DIS3L2: variants seen among roughly 807,000 people sequenced by gnomAD.
The protein encoded by DIS3L2 is DIS3-like exonuclease 2.
Under a neutral mutation model 97.5 loss-of-function variants are expected in DIS3L2, and 34 were observed. That is an observed-to-expected ratio of 0.35 (90% CI 0.27 to 0.46). DIS3L2 has a LOEUF of 0.46. Ranked by LOEUF, DIS3L2 falls within the 20% of genes least tolerant of loss-of-function variation. DIS3L2 has a pLI of 1.00. For synonymous variants in DIS3L2, 435 were observed against 445.2 expected (o/e 0.98, Z 0.29); for missense variants, 1,038 against 1,146.0 (o/e 0.91, Z 1.36).
intron 13 of DIS3L2, among the ~76,000 whole-genome samples, chr2:232,267,156 TAGTCTGGCCCC>T (rs1693874933): frequency 6.6e-6 from 1 of 152,218 alleles, no homozygotes; most frequent in South Asian, 2.1e-4. Context: ...CAGGGCCACC[TAGTCTGGCCCC>T]AGTTCCATGA....
At chr2:232,119,460 C>T (rs1160890210) in intron 6 of DIS3L2, among the ~76,000 whole-genome samples, 1 of 152,170 alleles carries the variant, frequency 6.6e-6, no homozygotes. Flanking sequence ...TTGGAGGAAT[C>T]ATTCATCTGT....
In DIS3L2 at chr2:232,329,575, C is replaced by T. The variant is rs187858739; in HGVS notation, c.1740-238C>T. ...GGGTCCCCCTCTGGGAGAGCCAGCA[C>T]AGGAGCTAACCAGTCAGAGGAGAAG... On this transcript the variant is annotated intron_variant, in intron 14 of 20. Transcript: ENST00000325385. 1,008 of 420,178 alleles carry T rather than the reference C, an allele frequency of 2.4e-3. 12 individuals are homozygous for T. The highest frequency in any genetic ancestry group is 0.018 in the African/African-American group (907 of 49,174). The allele number at this position is 420,178 out of a possible 1,614,324, so 26.0% of individuals were successfully genotyped here. A position where few individuals can be genotyped will look rare whatever the true frequency, so the allele number is the denominator to read the frequency against.
chr2:231,974,345 G>A (rs927193470), intron 1 of DIS3L2, among the ~76,000 whole-genome samples: 1 of 152,074 alleles, frequency 6.6e-6, no homozygotes, highest in East Asian at 1.9e-4. Context: ...CAGACTGGCT[G>A]GAATAGCCTC....
chr2:232,238,176 G>A (rs1414798630), intron 10 of DIS3L2, among the ~76,000 whole-genome samples: 1 of 152,050 alleles, frequency 6.6e-6, no homozygotes. Flanking sequence ...AGGATTTGGG[G>A]ATTAATTCAC....
chr2:232,125,347 G>A (rs1418391493), intron 6 of DIS3L2, among the ~76,000 whole-genome samples: 2 of 152,204 alleles, frequency 1.3e-5, no homozygotes, highest in Non-Finnish European at 2.9e-5. Flanking sequence ...GATGCTCACT[G>A]GGTTGACTCC....
At chr2:232,002,548 G>A (rs1693937259) in intron 1 of DIS3L2, among the ~76,000 whole-genome samples, 1 of 152,048 alleles carries the variant, frequency 6.6e-6, no homozygotes, top group African/African-American at 2.4e-5. Context: ...AACATTTGTT[G>A]TGTTTTTCAT....
At chr2:232,316,619 C>A (rs1695283003) in intron 14 of DIS3L2, among the ~76,000 whole-genome samples, 2 of 152,140 alleles carry the variant, frequency 1.3e-5, no homozygotes, top group Admixed American at 1.3e-4. Flanking sequence ...AAGGACTTCC[C>A]AGGAGGCACA....
At chr2:232,304,140 G>A (rs564284944) in intron 14 of DIS3L2, among the ~76,000 whole-genome samples, 10 of 151,174 alleles carry the variant, frequency 6.6e-5, no homozygotes, top group African/African-American at 1.5e-4. Flanking sequence ...AGATGCCACC[G>A]TGGGTCTACG....
chr2:232,130,839 G>A, intron 7 of DIS3L2, 120 bp downstream of exon 7: 5 of 1,298,314 alleles, frequency 3.9e-6, no homozygotes, highest in African/African-American at 1.5e-5. Flanking sequence ...AGTTAGAGCA[G>A]AGAATCATAA....
chr2:232,230,394 TC>T (rs1331620411), intron 10 of DIS3L2, among the ~76,000 whole-genome samples: 1 of 152,308 alleles, frequency 6.6e-6, no homozygotes, highest in South Asian at 2.1e-4. Context: ...AACATCCCTT[TC>T]GCTCAGCCCC....
At chr2:232,069,458 C>A (rs1299174399) in intron 5 of DIS3L2, among the ~76,000 whole-genome samples, 1 of 152,056 alleles carries the variant, frequency 6.6e-6, no homozygotes, top group East Asian at 1.9e-4. Flanking sequence ...TTAAAATGAT[C>A]CTACTTGAGC....
intron 5 of DIS3L2, among the ~76,000 whole-genome samples, chr2:232,034,419 T>C (rs1694897366): frequency 6.6e-6 from 1 of 152,126 alleles, no homozygotes; most frequent in Non-Finnish European, 1.5e-5. Flanking sequence ...AAAAACCAGC[T>C]CCTGGACTCA....
intron 1 of DIS3L2, among the ~76,000 whole-genome samples, chr2:232,013,109 T>C (rs1477535202): frequency 2.0e-5 from 3 of 152,188 alleles, no homozygotes; most frequent in Non-Finnish European, 1.5e-5. Flanking sequence ...TGCTAGATGG[T>C]GCCACTTTGT....
chr2:232,013,949 G>A (rs533892890), intron 1 of DIS3L2, among the ~76,000 whole-genome samples: 7 of 152,314 alleles, frequency 4.6e-5, no homozygotes, highest in South Asian at 2.1e-4. Context: ...GGTGAAGGAC[G>A]TGTGTGGGAA....
intron 13 of DIS3L2, among the ~76,000 whole-genome samples, chr2:232,266,112 T>G (rs1394851943): frequency 1.3e-5 from 2 of 152,234 alleles, no homozygotes; most frequent in Non-Finnish European, 2.9e-5. Flanking sequence ...AAAGTTCAGT[T>G]GAATTAAGTA....
chr2:232,048,813 A>C (rs564174067), intron 5 of DIS3L2, among the ~76,000 whole-genome samples: 1 of 152,176 alleles, frequency 6.6e-6, no homozygotes, highest in South Asian at 2.1e-4. Flanking sequence ...TTGTTGTTAT[A>C]GTGTGTTATT....
rs1017131541 is a variant in DIS3L2 at position 232,093,292 on chromosome 2, A to G, written c.601+5571A>G. On this transcript the variant is annotated intron_variant, in intron 6 of 20. Transcript: ENST00000325385. Reference sequence around the variant, plus strand: ...AATGTGTTGTTGAATTTTATTTGCTAGTATTTTGTTGAGGATTTTTGCATT... The same window carrying G: ...AATGTGTTGTTGAATTTTATTTGCTGGTATTTTGTTGAGGATTTTTGCATT... Among the ~76,000 whole-genome samples, 14 of 151,994 alleles carry G rather than the reference A, an allele frequency of 9.2e-5. 1 individual carries two copies. The highest frequency in any genetic ancestry group is 6.6e-4 in the Admixed American group (10 of 15,262).
intron 9 of DIS3L2, among the ~76,000 whole-genome samples, chr2:232,195,718 C>T (rs1691734203): frequency 6.6e-6 from 1 of 151,950 alleles, no homozygotes; most frequent in South Asian, 2.1e-4. Flanking sequence ...TCCCAAAGTG[C>T]TAGGATTACA....
chr2:232,032,169 C>T (rs1399845266), intron 5 of DIS3L2, among the ~76,000 whole-genome samples: 15 of 152,316 alleles, frequency 9.8e-5, no homozygotes, highest in Middle Eastern at 3.4e-3. Flanking sequence ...TCTCCAGCAT[C>T]GGTTGTTTCC....
Sources: gnomAD v4.1 joint callset for allele counts (sites outside exome capture counted in the v4.1 genomes callset) on GRCh38, gnomAD v4.1.1 for gene constraint, MANE v1.5 for transcripts, NCBI Gene and HGNC (gene_info 2026-07-23, HGNC 2026-07-21) for gene names.